CYP20A1: variants seen among roughly 807,000 people sequenced by gnomAD.
CYP20A1 encodes cytochrome P450 family 20 subfamily A member 1.
Under a neutral mutation model 61.4 loss-of-function variants are expected in CYP20A1, and 61 were observed. The observed-to-expected ratio is 0.99, with a 90% confidence interval of 0.81 to 1.23. The LOEUF (loss-of-function observed/expected upper bound fraction) is 1.23. Ranked by LOEUF, CYP20A1 falls within the 50% of genes most tolerant of loss-of-function variation. The probability of loss-of-function intolerance (pLI) is 0.00; values close to 1 mark genes in which losing one functional copy is unlikely to be tolerated. For synonymous variants in CYP20A1, 193 were observed against 188.2 expected (o/e 1.03, Z -0.21); for missense variants, 530 against 542.4 (o/e 0.98, Z 0.23).
At chr2:203,254,200 C>G (rs553106380) in intron 4 of CYP20A1, among the ~76,000 whole-genome samples, 1 of 152,126 alleles carries the variant, frequency 6.6e-6, no homozygotes, top group Non-Finnish European at 1.5e-5. Context: ...CCACCTCAGC[C>G]TCCCAAAGTG....
At chr2:203,267,536 A>G (rs2067376731) in intron 5 of CYP20A1, among the ~76,000 whole-genome samples, 1 of 132,544 alleles carries the variant, frequency 7.5e-6, no homozygotes, top group Non-Finnish European at 1.6e-5. Flanking sequence ...CTCTTGTCTC[A>G]CTCCAAAAAA....
chr2:203,294,646 T>G (rs1169477293), intron 11 of CYP20A1, among the ~76,000 whole-genome samples: 1 of 151,070 alleles, frequency 6.6e-6, no homozygotes, highest in African/African-American at 2.4e-5. Context: ...ACGTGTATCT[T>G]TTTTTTTTGG....
intron 4 of CYP20A1, among the ~76,000 whole-genome samples, chr2:203,265,985 C>T (rs1286069602): frequency 1.3e-5 from 2 of 152,080 alleles, no homozygotes; most frequent in Admixed American, 6.6e-5. Context: ...CCACCGTGCC[C>T]GGCCTAAAGC....
At chr2:203,269,401 C>G (rs1469453205) in intron 5 of CYP20A1, among the ~76,000 whole-genome samples, 2 of 151,448 alleles carry the variant, frequency 1.3e-5, no homozygotes, top group East Asian at 3.9e-4. Flanking sequence ...CACCGCACTC[C>G]AGCCTGGATG....
rs2152117644 is a variant in CYP20A1, at chr2:203,298,788, A to C, written c.*1880A>C. Among the ~76,000 whole-genome samples the C allele has an allele frequency of 1.3e-5, 2 of 152,080 alleles. No homozygotes were observed. The highest frequency in any genetic ancestry group is 1.3e-4 in the Admixed American group (2 of 15,254). On this transcript the variant is annotated 3_prime_UTR_variant, in exon 13 of 13. Transcript: ENST00000356079. ...GGTAGCTCATGCCTGTTATCCTAAC[A>C]CTTTGGGAAGCCGACATGGGCAGAT...
chr2:203,285,828 T>C (rs1174214718), intron 9 of CYP20A1, 96 bp downstream of exon 9: 1 of 1,117,034 alleles, frequency 9.0e-7, no homozygotes, highest in African/African-American at 1.6e-5. Context: ...AAGCTACATA[T>C]TTTTATAGGA....
At chr2:203,293,760 G>A (rs2068647901) in intron 11 of CYP20A1, among the ~76,000 whole-genome samples, 2 of 151,676 alleles carry the variant, frequency 1.3e-5, no homozygotes, top group South Asian at 2.1e-4. Context: ...ATGTCTTTAC[G>A]TCCTCATACC....
intron 3 of CYP20A1, among the ~76,000 whole-genome samples, chr2:203,250,517 GAA>G (rs55928141): frequency 5.3e-5 from 8 of 149,990 alleles, no homozygotes; most frequent in African/African-American, 9.8e-5. Flanking sequence ...CTCTGAGGAA[GAA>G]AAAAAAAAGA....
In CYP20A1 at chr2:203,296,946, G is replaced by A. The variant is rs771560847; in HGVS notation, c.*38G>A. 2.4e-6 allele frequency: 3 copies of A among 1,226,772 alleles called. No individual in the cohort carries two copies. Among genetic ancestry groups the A allele is most frequent in the South Asian group, 3.0e-5 (2 of 65,946 alleles). 76.0% of individuals were successfully genotyped at this position (1,226,772 alleles called of 1,614,324 possible). ...TTAAAATCATTGTTAAATTGATTGAGGAAAACAACCATTTAAAAAAAATCT... is the reference window on the plus strand; with the variant it reads ...TTAAAATCATTGTTAAATTGATTGAAGAAAACAACCATTTAAAAAAAATCT... On this transcript the variant is annotated 3_prime_UTR_variant, in exon 13 of 13. Transcript: ENST00000356079.
At position 203,252,108 on chromosome 2, in the gene CYP20A1, A is replaced by G. The variant is rs1360827124; in HGVS notation, c.431A>G (p.Lys144Arg). 1.2e-6 allele frequency: 2 copies of G among 1,604,338 alleles called. No individual in the cohort carries two copies. Among genetic ancestry groups the G allele is most frequent in the East Asian group, 4.5e-5 (2 of 44,320 alleles). Reference sequence around the variant, plus strand: ...AAGAGTAACTTTGCCCTCCTCCTAAAGGTAAGGTGATAAGTAGTTTGGTCT... The same window carrying G: ...AAGAGTAACTTTGCCCTCCTCCTAAGGGTAAGGTGATAAGTAGTTTGGTCT... ...SLKSNFALLL[K>R]LSEELLDKWL... Residue 144 changes from lysine to arginine, a missense_variant and splice_region_variant, in exon 4 of 13, where the codon AAG (lysine) becomes AGG (arginine). Physicochemically the swap from Lys to Arg is conservative, Grantham distance 26 (BLOSUM62 2). Coordinates refer to ENST00000356079, the MANE Select transcript of CYP20A1 (RefSeq NM_177538.3).
At chr2:203,293,428 G>A (rs1000378391) in intron 11 of CYP20A1, among the ~76,000 whole-genome samples, 1 of 150,028 alleles carries the variant, frequency 6.7e-6, no homozygotes, top group African/African-American at 2.4e-5. Context: ...TGTTAGCCAG[G>A]ATGGTCTCGA....
intron 4 of CYP20A1, among the ~76,000 whole-genome samples, chr2:203,265,198 T>C (rs1279830666): frequency 6.6e-6 from 1 of 152,228 alleles, no homozygotes; most frequent in Non-Finnish European, 1.5e-5. Context: ...AGGGCTATCC[T>C]GTGCATGGTA....
chr2:203,251,184 A>G (rs1432347226), intron 3 of CYP20A1, among the ~76,000 whole-genome samples: 2 of 150,366 alleles, frequency 1.3e-5, no homozygotes, highest in Non-Finnish European at 2.9e-5. Context: ...TTACAATGAC[A>G]GTGTATCTTT....
chr2:203,264,676 C>T (rs890420032), intron 4 of CYP20A1, among the ~76,000 whole-genome samples: 2 of 151,842 alleles, frequency 1.3e-5, no homozygotes, highest in African/African-American at 4.8e-5. Context: ...ATACCATTTG[C>T]TACTTGTTTT....
rs757808141 is a variant in CYP20A1, at chr2:203,296,528, T to A, written c.1203T>A (p.Leu401=). 6.2e-7 allele frequency: 1 copy of A among 1,612,792 alleles called. No homozygotes were observed. Among genetic ancestry groups the A allele is most frequent in the Non-Finnish European group, 8.5e-7 (1 of 1,179,358 alleles). The change falls in exon 12 of 13, where the codon CTT becomes CTA. Residue 401 remains leucine (L), a synonymous_variant. Coordinates refer to ENST00000356079, the MANE Select transcript of CYP20A1 (RefSeq NM_177538.3). The stretch of plus-strand genomic sequence containing the variant: ...TAGTAATGAAAACTTTTTCCTCACT[T>A]GGATTCTCAGGCACACAGGAGTGTC... ...DELVMKTFSS[L]GFSGTQECPE... is the part of the protein sequence containing the mutation.
intron 5 of CYP20A1, among the ~76,000 whole-genome samples, chr2:203,268,367 C>T (rs1339993116): frequency 6.6e-6 from 1 of 152,168 alleles, no homozygotes; most frequent in Non-Finnish European, 1.5e-5. Context: ...TCTCTTTAAT[C>T]TGGAACAGTT....
At chr2:203,292,755 G>A (rs1359365366) in intron 11 of CYP20A1, among the ~76,000 whole-genome samples, 1 of 151,892 alleles carries the variant, frequency 6.6e-6, no homozygotes, top group East Asian at 1.9e-4. Context: ...CACCAAGCCT[G>A]ACCTGCATCC....
At chr2:203,289,591 T>G in intron 9 of CYP20A1, among the ~76,000 whole-genome samples, 174 bp from the exon 10 acceptor site, 1 of 152,002 alleles carries the variant, frequency 6.6e-6, no homozygotes, top group South Asian at 2.1e-4. Flanking sequence ...TATAAAATTG[T>G]TAATCTTTAT....
At position 203,297,124 on chromosome 2, in the gene CYP20A1, A is replaced by G. The variant is rs548423884; in HGVS notation, c.*216A>G. 1.2e-4 allele frequency: 36 copies of G among 297,278 alleles called. No homozygotes were observed. The East Asian group carries it at 2.1e-3, about 17-fold the overall frequency. The allele number at this position is 297,278 out of a possible 1,614,324, so 18.4% of individuals were successfully genotyped here. A position where few individuals can be genotyped will look rare whatever the true frequency, so the allele number is the denominator to read the frequency against. ...AGTATATTGATCATTTTAATGGGAAACTTTAGCTTTCTACTTTTTATTTTT... is the reference window on the plus strand; with the variant it reads ...AGTATATTGATCATTTTAATGGGAAGCTTTAGCTTTCTACTTTTTATTTTT... On this transcript the variant is annotated 3_prime_UTR_variant, in exon 13 of 13. Coordinates refer to ENST00000356079, the MANE Select transcript of CYP20A1 (RefSeq NM_177538.3).
Sources: allele counts gnomAD v4.1 joint callset (sites outside exome capture counted in the v4.1 genomes callset), GRCh38; gene constraint gnomAD v4.1.1; transcripts MANE v1.5; gene names NCBI Gene and HGNC (gene_info 2026-07-23, HGNC 2026-07-21).